The following CEP128 variants were observed in gnomAD, a reference collection of about 807,000 sequenced individuals.
CEP128 encodes the protein centrosomal protein 128kDa.
A neutral mutation model predicts 156.7 loss-of-function variants in CEP128; 132 were observed. That is an observed-to-expected ratio of 0.84 (90% CI 0.73 to 0.97). The LOEUF is 0.97. Among genes scored for constraint, CEP128 ranks in the 50% least tolerant of loss-of-function variants. The probability of loss-of-function intolerance (pLI) is 0.00; values close to 1 mark genes in which losing one functional copy is unlikely to be tolerated. For missense variants in CEP128, 1,252 were observed against 1,281.9 expected, an observed-to-expected ratio of 0.98 and a Z score of 0.36; for synonymous variants, 469 against 448.9, an observed-to-expected ratio of 1.04 and a Z score of -0.57.
chr14:80,581,055 C>T (rs1015169188), intron 19 of CEP128, among the ~76,000 whole-genome samples: 1 of 152,116 alleles, frequency 6.6e-6, no homozygotes, highest in Non-Finnish European at 1.5e-5. Flanking sequence ...AAGGGAAGGT[C>T]GTCAACTGAA....
At chr14:80,632,551 A>C (rs1894005218) in intron 19 of CEP128, among the ~76,000 whole-genome samples, 1 of 149,264 alleles carries the variant, frequency 6.7e-6, no homozygotes, top group Admixed American at 6.7e-5. Flanking sequence ...ATCATACTAT[A>C]TATAATATAT....
chr14:80,562,958 G>A (rs1282180698), intron 20 of CEP128, among the ~76,000 whole-genome samples: 4 of 151,676 alleles, frequency 2.6e-5, no homozygotes, highest in South Asian at 4.2e-4. Context: ...ACCACCACAC[G>A]TGGGCCAATA....
chr14:80,759,528 A>C (rs2139676922), intron 17 of CEP128, among the ~76,000 whole-genome samples: 1 of 152,256 alleles, frequency 6.6e-6, no homozygotes, highest in Admixed American at 6.5e-5. Context: ...TATGTTCTTG[A>C]GCATTCCATT....
intron 1 of CEP128, among the ~76,000 whole-genome samples, chr14:80,959,110 G>A (rs1886877865): frequency 6.6e-6 from 1 of 152,136 alleles, no homozygotes; most frequent in African/African-American, 2.4e-5. Flanking sequence ...AGGGGAGAGA[G>A]TTACGGACTG....
At chr14:80,926,325 T>C (rs1235339672) in intron 2 of CEP128, among the ~76,000 whole-genome samples, 2 of 152,130 alleles carry the variant, frequency 1.3e-5, no homozygotes, top group African/African-American at 4.8e-5. Flanking sequence ...ACACTGTGGG[T>C]ATGAGACCTG....
intron 13 of CEP128, among the ~76,000 whole-genome samples, chr14:80,827,355 C>T (rs1885534095): frequency 6.6e-6 from 1 of 152,138 alleles, no homozygotes; most frequent in African/African-American, 2.4e-5. Context: ...TGGTTCTTAA[C>T]CCATTTATAA....
At chr14:80,488,677 A>G (rs1210027405), downstream of CEP128, among the ~76,000 whole-genome samples, 1 of 152,184 alleles carries the variant, frequency 6.6e-6, no homozygotes, top group Non-Finnish European at 1.5e-5. Flanking sequence ...ATAAAGACAC[A>G]TGCACACGTA....
At chr14:80,648,253 G>C (rs1476506117) in intron 19 of CEP128, among the ~76,000 whole-genome samples, 1 of 151,874 alleles carries the variant, frequency 6.6e-6, no homozygotes, top group Non-Finnish European at 1.5e-5. Context: ...GGGGATCTTT[G>C]ATTAATGAAG....
At chr14:80,648,809 T>C (rs76950755) in intron 19 of CEP128, among the ~76,000 whole-genome samples, 3,502 of 152,152 alleles carry the variant, frequency 0.023, 143 homozygotes, top group African/African-American at 0.078. Context: ...AAATGGACAC[T>C]ATACTGCTTG....
At chr14:80,567,990 T>C (rs986805153) in intron 20 of CEP128, among the ~76,000 whole-genome samples, 8 of 152,162 alleles carry the variant, frequency 5.3e-5, no homozygotes, top group African/African-American at 1.7e-4. Context: ...GTTAGTCATG[T>C]ATCAATGGCA....
At chr14:80,729,058 G>GGTGGGTGTGTGTGT (rs1898143455) in intron 19 of CEP128, among the ~76,000 whole-genome samples, 1 of 105,024 alleles carries the variant, frequency 9.5e-6, no homozygotes, top group Admixed American at 1.0e-4. Flanking sequence ...GGCTGGTGGG[G>GGTGGGTGTGTGTGT]GTGTGTGTGT....
At chr14:80,741,660 A>T (rs1898838094) in intron 19 of CEP128, among the ~76,000 whole-genome samples, 1 of 152,182 alleles carries the variant, frequency 6.6e-6, no homozygotes, top group East Asian at 1.9e-4. Context: ...AGATGGCATT[A>T]ATTCTAGCAA....
At chr14:80,954,287 A>G (rs1886546317) in intron 2 of CEP128, among the ~76,000 whole-genome samples, 1 of 151,710 alleles carries the variant, frequency 6.6e-6, no homozygotes. Flanking sequence ...AAAAAAAAAG[A>G]AAAGAAAATT....
chr14:80,690,706 T>C (rs962041741), intron 19 of CEP128, among the ~76,000 whole-genome samples: 9 of 152,196 alleles, frequency 5.9e-5, no homozygotes, highest in African/African-American at 1.9e-4. Flanking sequence ...TCATATTTAA[T>C]ACTCATTAAA....
intron 9 of CEP128, among the ~76,000 whole-genome samples, chr14:80,861,665 T>A (rs1051939255): frequency 6.6e-6 from 1 of 152,128 alleles, no homozygotes; most frequent in Non-Finnish European, 1.5e-5. Context: ...TAAAGAGACA[T>A]GACAACTAAA....
At chr14:80,606,175 A>C (rs538392052) in intron 19 of CEP128, among the ~76,000 whole-genome samples, 1 of 152,128 alleles carries the variant, frequency 6.6e-6, no homozygotes, top group East Asian at 1.9e-4. Flanking sequence ...CTAGTCCATT[A>C]ACAAATTGTC....
At chr14:80,548,492 A>G (rs769014786) in intron 21 of CEP128, among the ~76,000 whole-genome samples, 10 of 152,194 alleles carry the variant, frequency 6.6e-5, no homozygotes, top group Admixed American at 4.6e-4. Context: ...AAAGATATCA[A>G]ATATACTATC....
intron 8 of CEP128, among the ~76,000 whole-genome samples, chr14:80,886,054 A>G (rs1028949789): frequency 2.6e-5 from 4 of 152,092 alleles, no homozygotes; most frequent in African/African-American, 4.8e-5. Context: ...ACTAAATAAA[A>G]TAAAGCATGA....
At chr14:80,807,025 T>C (rs2139920728) in intron 13 of CEP128, among the ~76,000 whole-genome samples, 1 of 152,274 alleles carries the variant, frequency 6.6e-6, no homozygotes, top group African/African-American at 2.4e-5. Flanking sequence ...GAAAGCTATA[T>C]AGATGAGAGA....
Sources: gnomAD v4.1 joint callset for allele counts (sites outside exome capture counted in the v4.1 genomes callset) on GRCh38, gnomAD v4.1.1 for gene constraint, MANE v1.5 for transcripts, NCBI Gene and HGNC (gene_info 2026-07-23, HGNC 2026-07-21) for gene names.